Variants in SPHKAP observed in about 807,000 individuals in gnomAD.
The protein encoded by SPHKAP is A-kinase anchor protein SPHKAP.
SPHKAP carries 67 observed loss-of-function variants against 137.5 expected under a neutral mutation model. The observed-to-expected ratio is 0.49, with a 90% CI of 0.40 to 0.60. The LOEUF (loss-of-function observed/expected upper bound fraction) is 0.60, where lower values mean the gene tolerates loss of function less well. Ranked by LOEUF, SPHKAP falls within the 20% of genes least tolerant of loss-of-function variation. The pLI is 0.00. For missense variants in SPHKAP, 2,097 were observed against 2,069.3 expected (o/e 1.01, Z -0.26); for synonymous variants, 813 against 785.3 (o/e 1.04, Z -0.59).
At chr2:228,135,274 C>CAAAAAAAA (rs11435994) in intron 1 of SPHKAP, among the ~76,000 whole-genome samples, 2 of 95,428 alleles carry the variant, frequency 2.1e-5, no homozygotes, top group Non-Finnish European at 4.0e-5. Flanking sequence ...AACTCTGTCT[C>CAAAAAAAA]AAAAAAAAAA....
intron 11 of SPHKAP, among the ~76,000 whole-genome samples, chr2:227,986,692 T>C (rs1693225332): frequency 6.6e-6 from 1 of 152,192 alleles, no homozygotes; most frequent in Admixed American, 6.6e-5. Context: ...GCCCACTTTC[T>C]TAGGAAGGTA....
At position 228,019,052 on chromosome 2, in the gene SPHKAP, G is replaced by C. The variant is rs546647230; in HGVS notation, c.1802C>G (p.Pro601Arg). The change falls in exon 7 of 12, where the codon CCA (proline) becomes CGA (arginine). Residue 601 changes from proline to arginine, a missense_variant. Pro to Arg is a moderately radical substitution (Grantham distance 103). Coordinates refer to ENST00000392056, the MANE Select transcript of SPHKAP (RefSeq NM_001142644.2). The part of the protein sequence containing the change: ...PAAEASEAMP[P>R]LCGLASMELG... ...CTCCATGCTTGCTAAACCACAAAGT[G>C]GGGGCATGGCTTCAGAAGCCTCAGC... 6.2e-6 allele frequency: 10 copies of C among 1,614,130 alleles called. No homozygotes were observed. In the South Asian group the frequency reaches 1.1e-4, roughly 18 times the overall value.
intron 3 of SPHKAP, among the ~76,000 whole-genome samples, chr2:228,032,258 G>A (rs968789111): frequency 2.6e-5 from 4 of 152,140 alleles, no homozygotes; most frequent in South Asian, 2.1e-4. Flanking sequence ...GAGCTGATGC[G>A]ATCAACTGGA....
intron 3 of SPHKAP, among the ~76,000 whole-genome samples, chr2:228,056,600 G>A (rs989906767): frequency 1.3e-5 from 2 of 149,054 alleles, no homozygotes; most frequent in Non-Finnish European, 3.0e-5. Context: ...AAAAAAAAAT[G>A]TATCTTTGTT....
At chr2:228,056,856 G>A (rs1696465697) in intron 3 of SPHKAP, among the ~76,000 whole-genome samples, 1 of 152,132 alleles carries the variant, frequency 6.6e-6, no homozygotes, top group Non-Finnish European at 1.5e-5. Context: ...AATTTAAAGT[G>A]GGTTGGCCTA....
chr2:228,140,305 A>G (rs182866582), intron 1 of SPHKAP, among the ~76,000 whole-genome samples: 2 of 152,182 alleles, frequency 1.3e-5, no homozygotes, highest in Non-Finnish European at 2.9e-5. Context: ...AGATAGTCAA[A>G]GCACACTATG....
chr2:228,110,748 G>C (rs1171054203), intron 2 of SPHKAP, among the ~76,000 whole-genome samples: 1 of 152,306 alleles, frequency 6.6e-6, no homozygotes, highest in East Asian at 1.9e-4. Flanking sequence ...CAGCTGTCTT[G>C]TATCAAGTCA....
intron 3 of SPHKAP, among the ~76,000 whole-genome samples, chr2:228,031,347 T>A (rs761781523): frequency 1.3e-4 from 20 of 152,110 alleles, no homozygotes; most frequent in Non-Finnish European, 1.6e-4. Flanking sequence ...CCAGGCTTGA[T>A]TAGGCAAACA....
chr2:228,041,308 C>T (rs1695831752), intron 3 of SPHKAP, among the ~76,000 whole-genome samples: 2 of 152,010 alleles, frequency 1.3e-5, no homozygotes, highest in Admixed American at 1.3e-4. Flanking sequence ...CCTCCAAGGG[C>T]TCTTAGGAAA....
At chr2:228,004,090 AG>A (rs1694026073) in intron 7 of SPHKAP, among the ~76,000 whole-genome samples, 1 of 152,192 alleles carries the variant, frequency 6.6e-6, no homozygotes. Flanking sequence ...TGAGTTAGGG[AG>A]GATGCCCTCT....
In SPHKAP at chr2:228,047,628, C is replaced by G. The variant is rs112073114; in HGVS notation, c.247-20085G>C. Among the ~76,000 whole-genome samples, 162 of 152,298 alleles carry G rather than the reference C, an allele frequency of 1.1e-3. 1 individual carries two copies. The highest frequency in any genetic ancestry group is 3.5e-3 in the African/African-American group (144 of 41,562). On this transcript the variant is annotated intron_variant, in intron 3 of 11. Transcript: ENST00000392056. ...CATTCATTCATTCACTTTACTCACTCACTTATCCCTTTAAAGAACACTTAA... is the reference window on the plus strand; with the variant it reads ...CATTCATTCATTCACTTTACTCACTGACTTATCCCTTTAAAGAACACTTAA...
chr2:228,078,164 G>A (rs570928982), intron 3 of SPHKAP, among the ~76,000 whole-genome samples: 185 of 152,238 alleles, frequency 1.2e-3, no homozygotes, highest in African/African-American at 4.3e-3. Flanking sequence ...GTCTGTATCA[G>A]CAGCATGAAA....
rs4606912 is a variant in SPHKAP, at chr2:228,124,459, C to T, written c.138+7521G>A. 3.4e-3 allele frequency among the ~76,000 whole-genome samples: 520 copies of T among 152,018 alleles called. 2 individuals carry two copies. The highest frequency in any genetic ancestry group is 0.012 in the African/African-American group (486 of 41,450). On this transcript the variant is annotated intron_variant, in intron 2 of 11. Transcript: ENST00000392056. ...GGACATGGATGAAGCTGGAAACCAT[C>T]ACTCTCAGCAAACTATCTCAAGGAC...
At chr2:228,029,636 C>T (rs550017431) in intron 3 of SPHKAP, among the ~76,000 whole-genome samples, 3 of 152,278 alleles carry the variant, frequency 2.0e-5, no homozygotes, top group Non-Finnish European at 4.4e-5. Context: ...TGGCATGAGT[C>T]CCTTTGCAGA....
At position 228,086,643 on chromosome 2, in the gene SPHKAP, A is replaced by G. The variant is rs144864791; in HGVS notation, c.246+22189T>C. Among the ~76,000 whole-genome samples the G allele has an allele frequency of 6.0e-3, 918 of 152,220 alleles. 14 individuals carry two copies. Among genetic ancestry groups the G allele is most frequent in the African/African-American group, 0.021 (861 of 41,524 alleles). ...CGAGGGAAGAGGTTCCACACTAAGAAAGTCAAACCGGACCTCGGAGGATAC... is the reference window on the plus strand; with the variant it reads ...CGAGGGAAGAGGTTCCACACTAAGAGAGTCAAACCGGACCTCGGAGGATAC... On this transcript the variant is annotated intron_variant, in intron 3 of 11. Transcript: ENST00000392056.
intron 2 of SPHKAP, among the ~76,000 whole-genome samples, 155 bp from the exon 3 acceptor site, chr2:228,109,094 G>A (rs1193805779): frequency 1.3e-5 from 2 of 151,570 alleles, no homozygotes; most frequent in Admixed American, 1.3e-4. Flanking sequence ...CAGGATGATA[G>A]CACCTCTAAA....
At chr2:228,058,233 T>C (rs538951278) in intron 3 of SPHKAP, among the ~76,000 whole-genome samples, 1 of 152,266 alleles carries the variant, frequency 6.6e-6, no homozygotes, top group African/African-American at 2.4e-5. Flanking sequence ...CAAGCTTCCA[T>C]TTTTTTGGCA....
At chr2:227,984,333 A>C (rs1008580432) in intron 11 of SPHKAP, among the ~76,000 whole-genome samples, 1 of 151,474 alleles carries the variant, frequency 6.6e-6, no homozygotes, top group South Asian at 2.1e-4. Context: ...GAAAGAAAAA[A>C]ATTTTCAAAG....
intron 3 of SPHKAP, among the ~76,000 whole-genome samples, chr2:228,053,316 C>A (rs978703706): frequency 1.3e-5 from 2 of 152,314 alleles, no homozygotes; most frequent in Admixed American, 6.5e-5. Context: ...GCAATAGGCC[C>A]TATTTCCAAA....
Sources: gnomAD v4.1 joint callset for allele counts (sites outside exome capture counted in the v4.1 genomes callset) on GRCh38, gnomAD v4.1.1 for gene constraint, MANE v1.5 for transcripts, NCBI Gene and HGNC (gene_info 2026-07-23, HGNC 2026-07-21) for gene names.